KLRG1: variants seen among roughly 807,000 people sequenced by gnomAD.
The protein encoded by KLRG1 is killer cell lectin like receptor G1.
A neutral mutation model predicts 21.8 loss-of-function variants in KLRG1; 16 were observed. That is an observed-to-expected ratio of 0.73 (90% CI 0.50 to 1.11). The LOEUF is 1.11. KLRG1 is among the 50% of genes most tolerant of loss of function. The pLI is 0.00. For synonymous variants in KLRG1, 69 were observed against 75.9 expected (o/e 0.91, Z 0.47); for missense variants, 173 against 218.3 (o/e 0.79, Z 1.31).
the KLRG1 span, chr12:9,089,963 T>A: frequency 1.2e-6 from 2 of 1,612,588 alleles, no homozygotes; most frequent in South Asian, 2.2e-5. Context: ...TGAAGGCACC[T>A]CAGTCCCACA....
the KLRG1 span, chr12:9,152,136 A>G: frequency 5.9e-6 from 6 of 1,018,528 alleles, no homozygotes; most frequent in Admixed American, 1.8e-5. Context: ...TGATGTTGAC[A>G]TGGTTTTGAT....
At chr12:9,053,617 G>A in the KLRG1 span, among the ~76,000 whole-genome samples, 15 of 152,032 alleles carry the variant, frequency 9.9e-5, no homozygotes, top group African/African-American at 3.6e-4. Context: ...AAGGGAGGGG[G>A]AGAAATGAAA....
At chr12:9,158,768 T>A in the KLRG1 span, among the ~76,000 whole-genome samples, 1 of 149,646 alleles carries the variant, frequency 6.7e-6, no homozygotes, top group African/African-American at 2.4e-5. Context: ...TTTTTTTTTT[T>A]TTTTTTGCTG....
the KLRG1 span, chr12:9,165,243 A>G: frequency 6.2e-7 from 1 of 1,614,204 alleles, no homozygotes; most frequent in East Asian, 2.2e-5. Flanking sequence ...AAGGGCTGGA[A>G]GGCTCGGAGA....
chr12:9,149,591 C>T, the KLRG1 span: 2 of 1,612,716 alleles, frequency 1.2e-6, no homozygotes, highest in Admixed American at 3.3e-5. Context: ...TACTCAGCAA[C>T]CACAGACTCA....
chr12:9,023,477 G>A, the KLRG1 span, among the ~76,000 whole-genome samples: 122 of 152,160 alleles, frequency 8.0e-4, 1 homozygote, highest in East Asian at 0.022. Context: ...AGGCCACAAA[G>A]GTTGCCTTAA....
the KLRG1 span, among the ~76,000 whole-genome samples, chr12:9,194,458 G>A: frequency 7.2e-6 from 1 of 139,346 alleles, no homozygotes; most frequent in East Asian, 2.2e-4. Flanking sequence ...AGTAAAGTCA[G>A]GGAGTTTTTT....
the KLRG1 span, among the ~76,000 whole-genome samples, chr12:9,084,476 T>A: frequency 6.6e-6 from 1 of 152,134 alleles, no homozygotes; most frequent in Non-Finnish European, 1.5e-5. Flanking sequence ...CAAAGTTAAG[T>A]TGTTATCAGC....
chr12:8,950,812 T>A (rs1032634573), intron 1 of KLRG1, among the ~76,000 whole-genome samples: 20 of 152,116 alleles, frequency 1.3e-4, no homozygotes, highest in Admixed American at 6.5e-5. Flanking sequence ...AAGTATCTTA[T>A]CCCAAGTTTA....
intron 3 of KLRG1, among the ~76,000 whole-genome samples, chr12:8,997,718 T>C (rs1340213211): frequency 6.6e-6 from 1 of 152,230 alleles, no homozygotes; most frequent in Non-Finnish European, 1.5e-5. Context: ...CGGCAAAGTG[T>C]ACAATAATAA....
the KLRG1 span, among the ~76,000 whole-genome samples, chr12:9,053,741 C>T: frequency 6.6e-6 from 1 of 152,158 alleles, no homozygotes; most frequent in African/African-American, 2.4e-5. Flanking sequence ...GACCCTAGAT[C>T]GTAGTTCCCC....
chr12:9,105,191 C>T, the KLRG1 span, among the ~76,000 whole-genome samples: 1 of 152,124 alleles, frequency 6.6e-6, no homozygotes, highest in African/African-American at 2.4e-5. Flanking sequence ...AATAGGCTGA[C>T]CCCCATCAGT....
At chr12:8,992,101 C>G in intron 1 of KLRG1, 105 bp from the exon 2 acceptor site, 1 of 853,616 alleles carries the variant, frequency 1.2e-6, no homozygotes, top group Non-Finnish European at 1.8e-6. Flanking sequence ...GATCTCAGTT[C>G]CCACTAGGCC....
the KLRG1 span, among the ~76,000 whole-genome samples, chr12:9,097,054 A>C: frequency 6.6e-6 from 1 of 152,206 alleles, no homozygotes; most frequent in East Asian, 1.9e-4. Flanking sequence ...CTTCTGCTTT[A>C]TTATTAATAA....
chr12:9,024,065 A>G, the KLRG1 span, among the ~76,000 whole-genome samples: 8 of 101,948 alleles, frequency 7.8e-5, no homozygotes, highest in South Asian at 3.2e-4. Context: ...GTCTCTCTCT[A>G]TTGCCCAGGC....
At chr12:9,143,882 AG>A in the KLRG1 span, among the ~76,000 whole-genome samples, 1 of 152,184 alleles carries the variant, frequency 6.6e-6, no homozygotes, top group Non-Finnish European at 1.5e-5. Context: ...GAAGAAGCCT[AG>A]GGTGTCTGTT....
the KLRG1 span, among the ~76,000 whole-genome samples, chr12:9,187,965 T>C: frequency 2.0e-5 from 3 of 152,240 alleles, no homozygotes; most frequent in East Asian, 1.9e-4. Context: ...GGGGTGGTGG[T>C]GGCTGCAGTC....
the KLRG1 span, among the ~76,000 whole-genome samples, chr12:9,080,822 T>G: frequency 2.0e-5 from 3 of 152,158 alleles, no homozygotes; most frequent in South Asian, 2.1e-4. Context: ...GTATGGTATT[T>G]ATTTTCATAC....
chr12:9,051,110 A>T, the KLRG1 span, among the ~76,000 whole-genome samples: 1 of 152,190 alleles, frequency 6.6e-6, no homozygotes, highest in African/African-American at 2.4e-5. Context: ...CCATGGACCA[A>T]TCGGCACACA....
Sources: allele counts gnomAD v4.1 joint callset (sites outside exome capture counted in the v4.1 genomes callset), GRCh38; gene constraint gnomAD v4.1.1; transcripts MANE v1.5; gene names NCBI Gene and HGNC (gene_info 2026-07-23, HGNC 2026-07-21).